Variants in DPP6 observed in about 807,000 individuals in gnomAD.
DPP6 encodes dipeptidyl peptidase like 6.
A neutral mutation model predicts 122.6 loss-of-function variants in DPP6; 69 were observed. That is an observed-to-expected ratio of 0.56 (90% confidence interval 0.46 to 0.69). The LOEUF is 0.69. Ranked by LOEUF, DPP6 falls within the 30% of genes least tolerant of loss-of-function variation. The pLI is 0.00. For synonymous variants in DPP6, 418 were observed against 433.1 expected, an observed-to-expected ratio of 0.97 and a Z score of 0.43; for missense variants, 928 against 1,116.9, an observed-to-expected ratio of 0.83 and a Z score of 2.41.
At chr7:154,135,567 A>G (rs1795509146) in intron 1 of DPP6, among the ~76,000 whole-genome samples, 4 of 149,442 alleles carry the variant, frequency 2.7e-5, no homozygotes. Context: ...CTTCCTCTAA[A>G]CACATACTTC....
intron 1 of DPP6, among the ~76,000 whole-genome samples, chr7:154,261,655 A>C (rs909816114): frequency 2.0e-5 from 3 of 152,124 alleles, no homozygotes; most frequent in African/African-American, 7.2e-5. Flanking sequence ...CAGAGGACTA[A>C]TATCCAGACT....
chr7:154,627,882 G>A (rs866919310), intron 5 of DPP6, among the ~76,000 whole-genome samples: 6 of 152,250 alleles, frequency 3.9e-5, no homozygotes, highest in African/African-American at 1.2e-4. Flanking sequence ...GAAGGGGGCA[G>A]TGTGGGTTTT....
chr7:154,763,365 AG>A (rs1795691237), intron 8 of DPP6, among the ~76,000 whole-genome samples: 1 of 151,948 alleles, frequency 6.6e-6, no homozygotes, highest in African/African-American at 2.4e-5. Flanking sequence ...GGAGAGAGAG[AG>A]AGAGAGAGAG....
At chr7:154,072,922 A>G (rs914826867) in intron 1 of DPP6, among the ~76,000 whole-genome samples, 1 of 152,242 alleles carries the variant, frequency 6.6e-6, no homozygotes, top group Admixed American at 6.5e-5. Context: ...TGGCACAGAG[A>G]GAGCCGGGGG....
Position 154,423,890 on chromosome 7 carries a change from C to CA in DPP6, c.244-22323dup, listed in dbSNP as rs1026020991. ...AGTGCAAGTTAAAGCCGGAAACTCACAGAGGCAAAGAAACATAGAGGATGG... is the reference window on the plus strand; with the variant it reads ...AGTGCAAGTTAAAGCCGGAAACTCACAAGAGGCAAAGAAACATAGAGGATGG... On this transcript the variant is annotated intron_variant, in intron 1 of 25. Transcript: ENST00000377770. Among the ~76,000 whole-genome samples, 52 of 152,312 alleles carry CA rather than the reference C, an allele frequency of 3.4e-4. 1 individual carries two copies. Among genetic ancestry groups the CA allele is most frequent in the African/African-American group, 1.2e-3 (51 of 41,580 alleles).
intron 1 of DPP6, among the ~76,000 whole-genome samples, chr7:154,068,146 C>T (rs796080437): frequency 4.6e-5 from 7 of 152,230 alleles, no homozygotes; most frequent in African/African-American, 1.7e-4. Context: ...GAAGGGGCAG[C>T]TGCAGCATGT....
At chr7:154,714,431 A>G (rs1044210933) in intron 7 of DPP6, among the ~76,000 whole-genome samples, 1 of 152,200 alleles carries the variant, frequency 6.6e-6, no homozygotes, top group Non-Finnish European at 1.5e-5. Context: ...GTAGTTTATA[A>G]AAGAAGGAGG....
chr7:154,120,757 GA>G (rs1233286668), intron 1 of DPP6, among the ~76,000 whole-genome samples: 1 of 152,224 alleles, frequency 6.6e-6, no homozygotes, highest in African/African-American at 2.4e-5. Flanking sequence ...ATGCAAAGTT[GA>G]AGGAAATTCT....
intron 4 of DPP6, among the ~76,000 whole-genome samples, chr7:154,566,279 C>G (rs1203667269): frequency 6.6e-6 from 1 of 151,760 alleles, no homozygotes; most frequent in Non-Finnish European, 1.5e-5. Context: ...TCTTTTCTTG[C>G]TCTCTCTATT....
intron 1 of DPP6, among the ~76,000 whole-genome samples, chr7:154,440,046 A>G (rs1284489396): frequency 1.3e-5 from 2 of 152,190 alleles, no homozygotes; most frequent in Non-Finnish European, 2.9e-5. Flanking sequence ...ATGTACCGGA[A>G]ACATTGGCTC....
At chr7:154,102,987 A>T (rs903573689) in intron 1 of DPP6, among the ~76,000 whole-genome samples, 1 of 152,030 alleles carries the variant, frequency 6.6e-6, no homozygotes, top group African/African-American at 2.4e-5. Context: ...CCCATTCTGA[A>T]TCACAAAGGC....
At chr7:154,756,752 G>A (rs1297794584) in intron 8 of DPP6, among the ~76,000 whole-genome samples, 1 of 152,124 alleles carries the variant, frequency 6.6e-6, no homozygotes, top group Non-Finnish European at 1.5e-5. Context: ...GCCTCCACCT[G>A]ATGATAGCTT....
intron 3 of DPP6, among the ~76,000 whole-genome samples, chr7:154,539,783 A>T (rs996132128): frequency 1.4e-5 from 2 of 144,052 alleles, no homozygotes; most frequent in African/African-American, 2.5e-5. Context: ...ACATTTTTTT[A>T]AATTAAAAAA....
chr7:154,228,065 T>C (rs537508919), intron 1 of DPP6, among the ~76,000 whole-genome samples: 51 of 152,340 alleles, frequency 3.3e-4, no homozygotes, highest in African/African-American at 1.2e-3. Context: ...GATACTGTTA[T>C]AAACTCCATA....
At chr7:154,171,141 T>G (rs932384069) in intron 1 of DPP6, among the ~76,000 whole-genome samples, 1 of 152,260 alleles carries the variant, frequency 6.6e-6, no homozygotes, top group Admixed American at 6.5e-5. Flanking sequence ...TTTGGTGATC[T>G]TGGGCTAGCT....
chr7:153,844,219 G>T, the DPP6 span, among the ~76,000 whole-genome samples: 1 of 152,156 alleles, frequency 6.6e-6, no homozygotes, highest in African/African-American at 2.4e-5. Context: ...CAATAATCAG[G>T]AGCATTTCAT....
At chr7:154,137,396 T>G (rs1432326578) in intron 1 of DPP6, among the ~76,000 whole-genome samples, 30 of 151,810 alleles carry the variant, frequency 2.0e-4, no homozygotes, top group Middle Eastern at 3.4e-3. Context: ...TCTAGAGAGA[T>G]AACACAAAAG....
chr7:154,874,830 C>T (rs1253032784), intron 19 of DPP6, among the ~76,000 whole-genome samples: 1 of 152,240 alleles, frequency 6.6e-6, no homozygotes, highest in Admixed American at 6.5e-5. Flanking sequence ...AAAACTTCCC[C>T]ACACCCATAA....
chr7:154,780,647 G>A (rs1796961676), intron 10 of DPP6, among the ~76,000 whole-genome samples: 1 of 152,220 alleles, frequency 6.6e-6, no homozygotes, highest in Non-Finnish European at 1.5e-5. Context: ...AACTCCAAGG[G>A]TGTAAGTGAC....
Sources: gnomAD v4.1 joint callset for allele counts (sites outside exome capture counted in the v4.1 genomes callset) on GRCh38, gnomAD v4.1.1 for gene constraint, MANE v1.5 for transcripts, NCBI Gene and HGNC (gene_info 2026-07-23, HGNC 2026-07-21) for gene names.